The following NEK11 variants were observed in gnomAD, a reference collection of about 807,000 sequenced individuals.
NEK11 encodes serine/threonine-protein kinase Nek11.
A neutral mutation model predicts 80.7 loss-of-function variants in NEK11; 72 were observed. The observed-to-expected ratio is 0.89, with a 90% CI of 0.74 to 1.08. The LOEUF is 1.08. NEK11 is among the 50% of genes least tolerant of loss of function. The pLI is 0.00. For synonymous variants in NEK11, 251 were observed against 260.7 expected, an observed-to-expected ratio of 0.96 and a Z score of 0.36; for missense variants, 764 against 763.6, an observed-to-expected ratio of 1.00 and a Z score of -0.01.
intron 14 of NEK11, among the ~76,000 whole-genome samples, chr3:131,188,084 C>T (rs760304886): frequency 1.3e-5 from 2 of 152,096 alleles, no homozygotes; most frequent in African/African-American, 2.4e-5. Context: ...GGGACTAGAG[C>T]TGGCCTGGAG....
intron 11 of NEK11, among the ~76,000 whole-genome samples, chr3:131,164,649 T>C (rs773275923): frequency 6.6e-6 from 1 of 152,238 alleles, no homozygotes; most frequent in Admixed American, 6.5e-5. Context: ...TTTCACATGA[T>C]ACACTAATAT....
At chr3:131,126,959 C>CTTTTTTTTTT (rs71133688) in intron 5 of NEK11, among the ~76,000 whole-genome samples, 17 of 90,098 alleles carry the variant, frequency 1.9e-4, no homozygotes, top group African/African-American at 7.9e-4. Context: ...TTCTTTCTTT[C>CTTTTTTTTTT]TTTTTTTTTT....
chr3:131,113,750 A>G (rs998750800), intron 5 of NEK11, among the ~76,000 whole-genome samples: 8 of 151,966 alleles, frequency 5.3e-5, no homozygotes, highest in African/African-American at 1.9e-4. Flanking sequence ...ATCTCTACTG[A>G]AAATACAAAA....
chr3:131,160,449 GACCATT>G (rs1404916082), intron 10 of NEK11, among the ~76,000 whole-genome samples: 1 of 152,012 alleles, frequency 6.6e-6, no homozygotes, highest in Admixed American at 6.6e-5. Context: ...AGAAAGGAAA[GACCATT>G]ACCAGCCACT....
chr3:131,170,282 T>A (rs2092597601), intron 13 of NEK11, among the ~76,000 whole-genome samples: 1 of 152,230 alleles, frequency 6.6e-6, no homozygotes, highest in Non-Finnish European at 1.5e-5. Context: ...AATTCTTTCA[T>A]CATGTGGTCT....
chr3:131,248,675 T>C (rs1209277000), intron 16 of NEK11, among the ~76,000 whole-genome samples: 1 of 152,106 alleles, frequency 6.6e-6, no homozygotes, highest in Non-Finnish European at 1.5e-5. Flanking sequence ...CTCAGTCAGT[T>C]GTTGGCATGC....
At chr3:131,150,584 A>G (rs997246362) in intron 7 of NEK11, among the ~76,000 whole-genome samples, 8 of 151,822 alleles carry the variant, frequency 5.3e-5, no homozygotes, top group African/African-American at 1.9e-4. Context: ...CTGTATTCCT[A>G]TATTTAAAGT....
chr3:131,192,807 T>C (rs1407126432), intron 14 of NEK11, among the ~76,000 whole-genome samples: 1 of 152,142 alleles, frequency 6.6e-6, no homozygotes, highest in Non-Finnish European at 1.5e-5. Flanking sequence ...GGAGTTATTG[T>C]TTCATGGTAC....
chr3:131,177,278 A>T (rs925345020), intron 14 of NEK11, among the ~76,000 whole-genome samples: 1 of 152,218 alleles, frequency 6.6e-6, no homozygotes, highest in Non-Finnish European at 1.5e-5. Flanking sequence ...ATTTTAAGGA[A>T]CATAATTTCT....
At chr3:131,190,439 A>C (rs2093751634) in intron 14 of NEK11, among the ~76,000 whole-genome samples, 1 of 152,160 alleles carries the variant, frequency 6.6e-6, no homozygotes, top group Non-Finnish European at 1.5e-5. Context: ...TTCTCACTTG[A>C]TGAGTTCAGA....
At chr3:131,309,988 A>T (rs71315604) in intron 17 of NEK11, among the ~76,000 whole-genome samples, 15 of 19,562 alleles carry the variant, frequency 7.7e-4, no homozygotes, top group East Asian at 2.1e-3. Context: ...GACCATGTTT[A>T]AAAAAAAAAA....
chr3:131,037,680 T>C (rs2065856805), intron 3 of NEK11, among the ~76,000 whole-genome samples: 1 of 152,266 alleles, frequency 6.6e-6, no homozygotes, highest in South Asian at 2.1e-4. Context: ...ATTTAATAGC[T>C]GATCACCTTT....
intron 14 of NEK11, among the ~76,000 whole-genome samples, chr3:131,200,293 G>C (rs370294025): frequency 9.9e-5 from 15 of 152,156 alleles, no homozygotes; most frequent in Admixed American, 9.8e-4. Context: ...ATACCACTAC[G>C]TACCACTCAG....
chr3:131,118,400 A>G (rs1288957770), intron 5 of NEK11, among the ~76,000 whole-genome samples: 1 of 152,136 alleles, frequency 6.6e-6, no homozygotes, highest in African/African-American at 2.4e-5. Flanking sequence ...GGATTTTTGC[A>G]TCGATGTTCC....
intron 5 of NEK11, among the ~76,000 whole-genome samples, chr3:131,123,365 C>G (rs1486032763): frequency 6.6e-6 from 1 of 152,032 alleles, no homozygotes; most frequent in Non-Finnish European, 1.5e-5. Flanking sequence ...TGGGGTTTCA[C>G]CGTGCTGGCC....
chr3:131,298,502 CAA>C (rs2096626067), intron 17 of NEK11, among the ~76,000 whole-genome samples: 1 of 152,142 alleles, frequency 6.6e-6, no homozygotes, highest in Admixed American at 6.5e-5. Context: ...GCAACTTCAG[CAA>C]AGTCTCAGGA....
chr3:131,142,249 G>T (rs2087085699), intron 7 of NEK11, among the ~76,000 whole-genome samples: 1 of 152,308 alleles, frequency 6.6e-6, no homozygotes, highest in East Asian at 1.9e-4. Context: ...TTCCCCCTGT[G>T]GGGGAAGGGA....
At chr3:131,231,140 C>T (rs2095321502) in intron 15 of NEK11, among the ~76,000 whole-genome samples, 1 of 151,920 alleles carries the variant, frequency 6.6e-6, no homozygotes, top group African/African-American at 2.4e-5. Flanking sequence ...CAGCCTCTCA[C>T]ATACATGGTG....
In NEK11 at chr3:131,223,239, G is replaced by A. The variant is rs902219536; in HGVS notation, c.1400-5289G>A. 5.3e-5 allele frequency among the ~76,000 whole-genome samples: 8 copies of A among 151,932 alleles called. No individual in the cohort carries two copies. The South Asian group carries it at 8.3e-4, about 16-fold the overall frequency. ...ACAAACACAGTTTGAACGGACTTACGTTTTTTTTGACTTTTCCCTTTGAAA... is the reference window on the plus strand; with the variant it reads ...ACAAACACAGTTTGAACGGACTTACATTTTTTTTGACTTTTCCCTTTGAAA... On this transcript the variant is annotated intron_variant, in intron 14 of 17. Coordinates refer to ENST00000383366, the MANE Select transcript of NEK11 (RefSeq NM_024800.5).
Sources: gnomAD v4.1 joint callset for allele counts (sites outside exome capture counted in the v4.1 genomes callset) on GRCh38, gnomAD v4.1.1 for gene constraint, MANE v1.5 for transcripts, NCBI Gene and HGNC (gene_info 2026-07-23, HGNC 2026-07-21) for gene names.